Variants in FAM3B observed in about 807,000 individuals in gnomAD.
FAM3B encodes the protein protein FAM3B.
A neutral mutation model predicts 28.4 loss-of-function variants in FAM3B; 29 were observed. That is an observed-to-expected ratio of 1.02 (90% CI 0.76 to 1.39). The LOEUF (loss-of-function observed/expected upper bound fraction) is 1.39. Among genes scored for constraint, FAM3B ranks in the 40% most tolerant of loss-of-function variants. FAM3B has a pLI of 0.00. For synonymous variants in FAM3B, 91 were observed against 103.0 expected (o/e 0.88, Z 0.71); for missense variants, 266 against 293.9 (o/e 0.91, Z 0.69).
chr21:41,328,494 G>A (rs2088874536), intron 2 of FAM3B, among the ~76,000 whole-genome samples: 1 of 151,406 alleles, frequency 6.6e-6, no homozygotes, highest in Non-Finnish European at 1.5e-5. Flanking sequence ...GGTATCTGGA[G>A]ACTGACCAAA....
At chr21:41,333,055 A>G (rs748763506) in intron 2 of FAM3B, among the ~76,000 whole-genome samples, 12 of 144,152 alleles carry the variant, frequency 8.3e-5, no homozygotes, top group Non-Finnish European at 1.7e-4. Flanking sequence ...TTTTTAATGT[A>G]CGCATTTATT....
chr21:41,325,189 G>A (rs1044501847), intron 2 of FAM3B, among the ~76,000 whole-genome samples: 1 of 152,178 alleles, frequency 6.6e-6, no homozygotes, highest in Admixed American at 6.6e-5. Flanking sequence ...AAGCATTTGG[G>A]TGCCAAATGC....
chr21:41,344,680 T>G (rs749140349), intron 4 of FAM3B, 146 bp downstream of exon 4: 2 of 620,912 alleles, frequency 3.2e-6, no homozygotes, highest in Non-Finnish European at 5.8e-6. Flanking sequence ...TCAATTATTT[T>G]TACAAGTCTC....
At chr21:41,336,814 A>G (rs565735566) in intron 2 of FAM3B, among the ~76,000 whole-genome samples, 3 of 152,300 alleles carry the variant, frequency 2.0e-5, no homozygotes, top group Non-Finnish European at 4.4e-5. Flanking sequence ...TCACTCCTTT[A>G]TTATCATATA....
chr21:41,334,473 A>C (rs1029912495), intron 2 of FAM3B, among the ~76,000 whole-genome samples: 6 of 152,130 alleles, frequency 3.9e-5, no homozygotes, highest in Non-Finnish European at 7.4e-5. Flanking sequence ...CATGGCTCAA[A>C]GGGGCCCAGG....
rs979480701 is a variant in FAM3B at position 41,326,869 on chromosome 21, C to G, written c.163+3803C>G. ...CAGCCCACTGTTCTGCACCTGGGGCCCTTTTCACCCAAGCTCCTCGTTTCC... is the reference window on the plus strand; with the variant it reads ...CAGCCCACTGTTCTGCACCTGGGGCGCTTTTCACCCAAGCTCCTCGTTTCC... On this transcript the variant is annotated intron_variant, in intron 2 of 7. Coordinates refer to ENST00000357985, the MANE Select transcript of FAM3B (RefSeq NM_058186.4). The surrounding 1 kb of genome is among the most constrained non-coding windows in gnomAD (Gnocchi z 4.0). 2.6e-5 allele frequency among the ~76,000 whole-genome samples: 4 copies of G among 152,204 alleles called. No individual in the cohort carries two copies. Among genetic ancestry groups the G allele is most frequent in the African/African-American group, 9.6e-5 (4 of 41,456 alleles).
Position 41,338,431 on chromosome 21 carries a change from A to C in FAM3B, c.217A>C (p.Thr73Pro). The change falls in exon 3 of 8, where the codon ACC becomes CCC. Residue 73 changes from threonine to proline, a missense_variant. By Grantham distance (38) the Thr-to-Pro change is conservative (BLOSUM62 -1). Coordinates refer to ENST00000357985, the MANE Select transcript of FAM3B (RefSeq NM_058186.4). ...CCACTGGACTCCCTGCCCATCTGAC[A>C]CCTATGCCTACAGGTTACTCAGCGG... The part of the protein sequence containing the change: ...CDHWTPCPSD[T>P]YAYRLLSGGG... 6.2e-7 allele frequency: 1 copy of C among 1,614,178 alleles called. No homozygotes were observed. Among genetic ancestry groups the C allele is most frequent in the Non-Finnish European group, 8.5e-7 (1 of 1,180,032 alleles).
In FAM3B at chr21:41,348,710, A is replaced by G. The variant is rs2089087347; in HGVS notation, c.604A>G (p.Ile202Val). The change falls in exon 7 of 8, where the codon ATT (isoleucine) becomes GTT (valine). Residue 202 changes from isoleucine (I) to valine (V), a missense_variant. By Grantham distance (29) the Ile-to-Val change is conservative. Transcript: ENST00000357985. The stretch of plus-strand genomic sequence containing the variant: ...AAAAGGCTTGGAACTCCCTTCCGAA[A>G]TTCAGAGAGAAAAGGTGAGTGGTTT... ...AAKGLELPSE[I>V]QREKINHSDA... The G allele has an allele frequency of 1.2e-6, 2 of 1,614,104 alleles. No homozygotes were observed. Among genetic ancestry groups the G allele is most frequent in the Non-Finnish European group, 1.7e-6 (2 of 1,180,046 alleles).
intron 5 of FAM3B, chr21:41,345,975 CTTTTTAG>C: frequency 2.7e-6 from 1 of 364,164 alleles, no homozygotes; most frequent in Non-Finnish European, 5.0e-6. Context: ...CAGTCTTTCT[CTTTTTAG>C]CTCTCATGAT....
chr21:41,323,717 G>A (rs1259275345), intron 2 of FAM3B, among the ~76,000 whole-genome samples: 7 of 152,148 alleles, frequency 4.6e-5, no homozygotes, highest in Non-Finnish European at 7.3e-5. Context: ...ACAGCTTAAC[G>A]CATGAACAAA....
chr21:41,344,153 T>C (rs920273691), intron 3 of FAM3B, among the ~76,000 whole-genome samples: 53 of 152,216 alleles, frequency 3.5e-4, no homozygotes, highest in African/African-American at 1.3e-3. Context: ...AACAATAAAG[T>C]GCATCTGTGA....
chr21:41,330,008 TA>T (rs1172323365), intron 2 of FAM3B, among the ~76,000 whole-genome samples: 1 of 152,296 alleles, frequency 6.6e-6, no homozygotes, highest in East Asian at 1.9e-4. Flanking sequence ...ATAACTTTAT[TA>T]GAGTTAGTTG....
chr21:41,311,609 G>A (rs893196425), intron 1 of FAM3B, among the ~76,000 whole-genome samples: 3 of 152,010 alleles, frequency 2.0e-5, no homozygotes, highest in African/African-American at 7.3e-5. Context: ...TGAGAAGAAT[G>A]ACATTGTCTT....
chr21:41,357,093 C>G lies in FAM3B; in HGVS notation c.619-15C>G. On this transcript the variant is annotated splice_polypyrimidine_tract_variant and intron_variant, in intron 7 of 7. Coordinates refer to ENST00000357985, the MANE Select transcript of FAM3B (RefSeq NM_058186.4). ...AGATTAATGAATAAATAAAACTCTT[C>G]TTTTCTCTACACAGATCAACCACTC... 2 of 1,579,868 alleles carry G rather than the reference C, an allele frequency of 1.3e-6. No homozygotes were observed. Among genetic ancestry groups the G allele is most frequent in the Non-Finnish European group, 1.7e-6 (2 of 1,160,368 alleles).
chr21:41,316,972 C>T, intron 1 of FAM3B, 74 bp downstream of exon 1: 2 of 1,202,936 alleles, frequency 1.7e-6, no homozygotes, highest in Non-Finnish European at 1.1e-6. Flanking sequence ...CGCTCCCCAA[C>T]CCTGCCTGGG....
intron 7 of FAM3B, among the ~76,000 whole-genome samples, chr21:41,355,661 G>A (rs1049203752): frequency 2.6e-5 from 4 of 152,092 alleles, no homozygotes; most frequent in Non-Finnish European, 4.4e-5. Context: ...AAGGAGATTC[G>A]TGTCTGCCTA....
intron 3 of FAM3B, among the ~76,000 whole-genome samples, chr21:41,342,504 T>G (rs959271817): frequency 6.6e-6 from 1 of 152,186 alleles, no homozygotes; most frequent in African/African-American, 2.4e-5. Flanking sequence ...GAGCCTATAG[T>G]CTATTTTGTA....
intron 2 of FAM3B, among the ~76,000 whole-genome samples, chr21:41,329,637 T>C (rs1389991398): frequency 6.6e-6 from 1 of 152,054 alleles, no homozygotes; most frequent in Non-Finnish European, 1.5e-5. Context: ...TCACACCATC[T>C]TGGCTCACTG....
intron 2 of FAM3B, among the ~76,000 whole-genome samples, chr21:41,334,775 G>T (rs2088938503): frequency 6.6e-6 from 1 of 152,228 alleles, no homozygotes; most frequent in South Asian, 2.1e-4. Context: ...CCAGACCCCA[G>T]AGGGGCAGAT....
Sources: gnomAD v4.1 joint callset for allele counts (sites outside exome capture counted in the v4.1 genomes callset) on GRCh38, gnomAD v4.1.1 for gene constraint, Gnocchi (gnomAD v3.1) non-coding constraint, MANE v1.5 for transcripts, NCBI Gene and HGNC (gene_info 2026-07-23, HGNC 2026-07-21) for gene names.